The following UGT1A7 variants were observed in gnomAD, a reference collection of about 807,000 sequenced individuals.
UGT1A7 encodes the protein UDP-glucuronosyltransferase 1A7.
Under a neutral mutation model 45.6 loss-of-function variants are expected in UGT1A7, and 33 were observed. That is an observed-to-expected ratio of 0.72 (90% CI 0.55 to 0.97). UGT1A7 has a LOEUF of 0.97. Ranked by LOEUF, UGT1A7 falls within the 50% of genes least tolerant of loss-of-function variation. UGT1A7 has a pLI of 0.00. For missense variants in UGT1A7, 684 were observed against 666.2 expected, an observed-to-expected ratio of 1.03 and a Z score of -0.29; for synonymous variants, 274 against 250.6, an observed-to-expected ratio of 1.09 and a Z score of -0.88.
intron 1 of UGT1A7, among the ~76,000 whole-genome samples, chr2:233,735,339 T>G (rs1056442673): frequency 6.6e-6 from 1 of 151,862 alleles, no homozygotes; most frequent in Non-Finnish European, 1.5e-5. Context: ...AACCCCTGCT[T>G]TTTTTTTGCT....
chr2:233,757,560 A>ATATATATATG (rs904896556), intron 1 of UGT1A7, among the ~76,000 whole-genome samples: 18 of 123,146 alleles, frequency 1.5e-4, no homozygotes, highest in African/African-American at 6.1e-4. Flanking sequence ...ATATATATAT[A>ATATATATATG]TGTATATATG....
rs200190624 is a variant in UGT1A7, at chr2:233,682,051, G to A, written c.114G>A (p.Trp38Ter). ...LLVVPMDGSH[W>*]FTMQSVVEKL... ...TAGTGCCCATGGATGGGAGCCACTG[G>A]TTCACCATGCAGTCGGTGGTGGAGA... The change falls in exon 1 of 5, where the codon TGG becomes TGA. Residue 38 changes from tryptophan to a stop codon, truncating the protein, a stop_gained. Transcript: ENST00000373426. LOFTEE classifies it high-confidence loss of function. 1.1e-5 allele frequency: 18 copies of A among 1,614,102 alleles called. No individual in the cohort carries two copies. In the African/African-American group the frequency reaches 2.3e-4, roughly 20 times the overall value.
At chr2:233,707,336 T>G (rs2075956257) in intron 1 of UGT1A7, among the ~76,000 whole-genome samples, 1 of 152,282 alleles carries the variant, frequency 6.6e-6, no homozygotes, top group East Asian at 1.9e-4. Context: ...CCATGGTGGT[T>G]TGCTGCCCAG....
chr2:233,759,500 C>G (rs1243042735), intron 1 of UGT1A7, among the ~76,000 whole-genome samples: 1 of 152,164 alleles, frequency 6.6e-6, no homozygotes, highest in Non-Finnish European at 1.5e-5. Flanking sequence ...CAGGTTCACA[C>G]TAATAAAGGC....
intron 1 of UGT1A7, among the ~76,000 whole-genome samples, chr2:233,742,133 C>T (rs1691882264): frequency 6.6e-6 from 1 of 151,894 alleles, no homozygotes; most frequent in African/African-American, 2.4e-5. Context: ...GAGACCCTAA[C>T]CCAGCAGCGC....
At chr2:233,716,940 T>A (rs2076534957) in intron 1 of UGT1A7, among the ~76,000 whole-genome samples, 1 of 152,150 alleles carries the variant, frequency 6.6e-6, no homozygotes, top group Non-Finnish European at 1.5e-5. Flanking sequence ...GCTCCTCCTA[T>A]TTCCCAGGCA....
At chr2:233,722,345 T>C (rs2077007826) in intron 1 of UGT1A7, among the ~76,000 whole-genome samples, 2 of 152,264 alleles carry the variant, frequency 1.3e-5, no homozygotes, top group African/African-American at 4.8e-5. Context: ...GAAATTTTTC[T>C]ACAAATATAC....
Position 233,767,180 on chromosome 2 carries a change from T to C in UGT1A7, c.987+15T>C, listed in dbSNP as rs4148327. 1,996 of 1,614,008 alleles carry C rather than the reference T, an allele frequency of 1.2e-3. 35 individuals are homozygous for C. In the East Asian group the frequency reaches 0.04, roughly 32 times the overall value. On this transcript the variant is annotated intron_variant, in intron 2 of 4. Transcript: ENST00000373426. Reference sequence around the variant, plus strand: ...TCCCTCAGACAGTAAGAAGATTCTATACCATGGCCTCATATCTATTTTCAC... The same window carrying C: ...TCCCTCAGACAGTAAGAAGATTCTACACCATGGCCTCATATCTATTTTCAC...
chr2:233,686,502 C>T (rs144675493), intron 1 of UGT1A7, among the ~76,000 whole-genome samples: 2 of 152,152 alleles, frequency 1.3e-5, no homozygotes, highest in African/African-American at 4.8e-5. Context: ...CAGGTGAGCC[C>T]AGGTGGAGCC....
intron 1 of UGT1A7, chr2:233,693,618 T>C (rs1440701846): frequency 6.2e-7 from 1 of 1,614,220 alleles, no homozygotes; most frequent in Admixed American, 1.7e-5. Flanking sequence ...CACATGACTT[T>C]TTCCCAACGA....
At chr2:233,697,743 A>T (rs1322663266) in intron 1 of UGT1A7, among the ~76,000 whole-genome samples, 2 of 152,094 alleles carry the variant, frequency 1.3e-5, no homozygotes, top group African/African-American at 2.4e-5. Context: ...TGGTTTTGCT[A>T]TAGCCCATAG....
intron 1 of UGT1A7, among the ~76,000 whole-genome samples, chr2:233,716,243 G>A (rs1481828829): frequency 2.0e-5 from 3 of 152,006 alleles, no homozygotes; most frequent in African/African-American, 4.8e-5. Flanking sequence ...TGTCCTGCCC[G>A]GACATCCAGC....
chr2:233,772,497 T>A lies in UGT1A7; in HGVS notation c.1531T>A (p.Tyr511Asn). The change falls in exon 5 of 5, where the codon TAC becomes AAC. Residue 511 changes from tyrosine to asparagine, a missense_variant. By Grantham distance (143) the Tyr-to-Asn change is moderately radical (BLOSUM62 -2). Coordinates refer to ENST00000373426, the MANE Select transcript of UGT1A7 (RefSeq NM_019077.3). ...CACCTTTAAATGTTGTGCTTATGGC[T>A]ACCGGAAATGCTTGGGGAAAAAAGG... ...FITFKCCAYGYRKCLGKKGRV... is the reference protein window; with the variant it reads ...FITFKCCAYGNRKCLGKKGRV... The A allele has an allele frequency of 6.2e-7, 1 of 1,614,126 alleles. No homozygotes were observed. The highest frequency in any genetic ancestry group is 8.5e-7 in the Non-Finnish European group (1 of 1,180,040).
Position 233,730,172 on chromosome 2 carries a change from A to T in UGT1A7, c.856-36862A>T, listed in dbSNP as rs45486905. On this transcript the variant is annotated intron_variant, in intron 1 of 4. Coordinates refer to ENST00000373426, the MANE Select transcript of UGT1A7 (RefSeq NM_019077.3). ...TAAGGGGTCTCTAGTAGCGTATTTCAGGTTTTAAATGGTCACTGAGAGGAA... is the reference window on the plus strand; with the variant it reads ...TAAGGGGTCTCTAGTAGCGTATTTCTGGTTTTAAATGGTCACTGAGAGGAA... Among the ~76,000 whole-genome samples the T allele has an allele frequency of 6.6e-5, 10 of 152,342 alleles. No homozygotes were observed. In the East Asian group the frequency reaches 1.9e-3, roughly 29 times the overall value.
At position 233,769,030 on chromosome 2, in the gene UGT1A7, A is replaced by G. The variant is rs1369352074; in HGVS notation, c.1295+591A>G. 1.3e-5 allele frequency among the ~76,000 whole-genome samples: 2 copies of G among 152,206 alleles called. No homozygotes were observed. Among genetic ancestry groups the G allele is most frequent in the African/African-American group, 4.8e-5 (2 of 41,454 alleles). On this transcript the variant is annotated intron_variant, in intron 4 of 4. Transcript: ENST00000373426. The surrounding 1 kb of genome is among the most constrained non-coding windows in gnomAD (Gnocchi z 4.4). ...CCAATTTACATAAAAAGTTGCCATAATAGACATCTGATCCATAAGTTTCCT... is the reference window on the plus strand; with the variant it reads ...CCAATTTACATAAAAAGTTGCCATAGTAGACATCTGATCCATAAGTTTCCT...
chr2:233,739,022 G>C (rs1690964112), intron 1 of UGT1A7: 1 of 152,290 alleles, frequency 6.6e-6, no homozygotes, highest in Non-Finnish European at 1.5e-5. Flanking sequence ...TCCAGCCATG[G>C]CTAAAAGGGG....
At chr2:233,755,813 A>T (rs1317393692) in intron 1 of UGT1A7, 3 of 152,236 alleles carry the variant, frequency 2.0e-5, no homozygotes, top group African/African-American at 7.2e-5. Context: ...TTAAAACAGA[A>T]TTAAAAAGAC....
intron 1 of UGT1A7, among the ~76,000 whole-genome samples, chr2:233,697,697 G>T (rs192103056): frequency 1.3e-5 from 2 of 152,056 alleles, no homozygotes; most frequent in Non-Finnish European, 2.9e-5. Context: ...CTTTTTGGAT[G>T]TAGGCATTTA....
chr2:233,693,993 C>T (rs1321694157), intron 1 of UGT1A7: 1 of 1,526,640 alleles, frequency 6.6e-7, no homozygotes, highest in Admixed American at 1.9e-5. Context: ...GAAGTGATAC[C>T]CGGCTCGGAG....
Sources: allele counts gnomAD v4.1 joint callset (sites outside exome capture counted in the v4.1 genomes callset), GRCh38; gene constraint gnomAD v4.1.1; non-coding constraint Gnocchi (gnomAD v3.1); transcripts MANE v1.5; gene names NCBI Gene and HGNC (gene_info 2026-07-23, HGNC 2026-07-21).